Variants in DDAH1 observed in about 807,000 individuals in gnomAD.
The protein encoded by DDAH1 is N(G),N(G)-dimethylarginine dimethylaminohydrolase 1.
In DDAH1, 19 loss-of-function variants were observed where a neutral mutation model predicts 28.8. The ratio of observed to expected loss-of-function variants is 0.66; its 90% confidence interval spans 0.46 to 0.97. The LOEUF is 0.97. DDAH1 is among the 50% of genes least tolerant of loss of function. The pLI is 0.00. For synonymous variants in DDAH1, 153 were observed against 154.4 expected (o/e 0.99, Z 0.07); for missense variants, 326 against 375.9 (o/e 0.87, Z 1.10).
chr1:85,323,368 G>C (rs561741508), intron 5 of DDAH1, among the ~76,000 whole-genome samples: 1 of 152,172 alleles, frequency 6.6e-6, no homozygotes, highest in African/African-American at 2.4e-5. Flanking sequence ...CTATGGACGA[G>C]CACTGTTATG....
At chr1:85,531,607 A>T (rs1261698814) in intron 1 of DDAH1, among the ~76,000 whole-genome samples, 1 of 148,232 alleles carries the variant, frequency 6.7e-6, no homozygotes, top group African/African-American at 2.5e-5. Flanking sequence ...GGAAGTGGGT[A>T]TTTTTTTCCC....
At position 85,558,629 on chromosome 1, in the gene DDAH1, T is replaced by C. The variant is rs543820905; in HGVS notation, c.-123+19355A>G. Among the ~76,000 whole-genome samples the C allele has an allele frequency of 2.6e-5, 4 of 152,304 alleles. No homozygotes were observed. In the South Asian group the frequency reaches 6.2e-4, roughly 24 times the overall value. Reference sequence around the variant, plus strand: ...TCATGTTCTGAGTAAAGCCTCTTTCTTTTCTATATACTCATTTATCAGGTG... The same window carrying C: ...TCATGTTCTGAGTAAAGCCTCTTTCCTTTCTATATACTCATTTATCAGGTG... On this transcript the variant is annotated intron_variant, in intron 1 of 6. Transcript: ENST00000426972.
intron 1 of DDAH1, among the ~76,000 whole-genome samples, chr1:85,505,262 C>T (rs904673835): frequency 1.6e-4 from 24 of 151,910 alleles, no homozygotes; most frequent in East Asian, 1.2e-3. Flanking sequence ...TTATGATAAC[C>T]GTATTATCTT....
At chr1:85,432,522 C>A (rs1653734631) in intron 1 of DDAH1, among the ~76,000 whole-genome samples, 1 of 152,114 alleles carries the variant, frequency 6.6e-6, no homozygotes, top group South Asian at 2.1e-4. Flanking sequence ...GAATGGTCAG[C>A]TTTTTTCAGT....
chr1:85,464,789 T>C lies in DDAH1; in HGVS notation c.257A>G (p.Glu86Gly). The change falls in exon 1 of 6, where the codon GAG becomes GGG. Residue 86 changes from glutamate (E) to glycine (G), a missense_variant. Physicochemically the swap from Glu to Gly is moderately conservative, Grantham distance 98. Coordinates refer to ENST00000284031, the MANE Select transcript of DDAH1 (RefSeq NM_012137.4). This position sits in a 1 kb window ranked among gnomAD's most constrained non-coding sequence, Gnocchi z 4.4. ...FVEDVAVVCE[E>G]TALITRPGAP... is the part of the protein sequence containing the mutation. Reference sequence around the variant, plus strand: ...CCCGGGTCGGGTGATGAGGGCCGTCTCCTCGCACACCACGGCCACGTCCTC... The same window carrying C: ...CCCGGGTCGGGTGATGAGGGCCGTCCCCTCGCACACCACGGCCACGTCCTC... The C allele has an allele frequency of 6.3e-7, 1 of 1,580,566 alleles. No individual in the cohort carries two copies. Among genetic ancestry groups the C allele is most frequent in the Non-Finnish European group, 8.5e-7 (1 of 1,170,556 alleles).
chr1:85,482,133 A>C (rs1203357777), intron 2 of DDAH1: 1 of 152,228 alleles, frequency 6.6e-6, no homozygotes, highest in Non-Finnish European at 1.5e-5. Flanking sequence ...TTACCTATAA[A>C]TTGACCTAAT....
At chr1:85,509,125 A>G (rs1657133455) in intron 1 of DDAH1, among the ~76,000 whole-genome samples, 1 of 152,200 alleles carries the variant, frequency 6.6e-6, no homozygotes, top group South Asian at 2.1e-4. Flanking sequence ...CTTTCAGAGG[A>G]AGGATCAGGC....
At chr1:85,526,764 G>A (rs537770008) in intron 1 of DDAH1, among the ~76,000 whole-genome samples, 1 of 147,750 alleles carries the variant, frequency 6.8e-6, no homozygotes, top group African/African-American at 2.5e-5. Flanking sequence ...TGTGGTTTTT[G>A]TCTTGTCTTT....
chr1:85,517,956 A>G (rs1275315000), intron 1 of DDAH1, among the ~76,000 whole-genome samples: 4 of 152,186 alleles, frequency 2.6e-5, no homozygotes, highest in Non-Finnish European at 4.4e-5. Flanking sequence ...CCTGTTGGAC[A>G]GCCTATCGTT....
upstream of DDAH1, chr1:85,467,336 TCTAA>T (rs1655424649): frequency 6.6e-6 from 1 of 152,156 alleles, no homozygotes; most frequent in African/African-American, 2.4e-5. Flanking sequence ...GTGCCCTGAG[TCTAA>T]CTATGAACAG....
chr1:85,421,144 T>C (rs966232513), intron 1 of DDAH1, among the ~76,000 whole-genome samples: 2 of 152,014 alleles, frequency 1.3e-5, no homozygotes, highest in African/African-American at 4.8e-5. Flanking sequence ...CATGGGAAAA[T>C]TGACCCCATG....
chr1:85,353,592 A>C (rs1182767336), intron 2 of DDAH1, among the ~76,000 whole-genome samples: 3 of 152,110 alleles, frequency 2.0e-5, no homozygotes, highest in Admixed American at 2.0e-4. Flanking sequence ...AATTTAACTC[A>C]AGGAGAGGTA....
At chr1:85,527,488 G>T (rs1188424289) in intron 1 of DDAH1, among the ~76,000 whole-genome samples, 3 of 152,300 alleles carry the variant, frequency 2.0e-5, no homozygotes, top group Middle Eastern at 3.4e-3. Flanking sequence ...GTACTATAAT[G>T]TTAGGCAAGA....
In DDAH1 at chr1:85,448,618, G is replaced by T. The variant is rs564671666; in HGVS notation, c.303+16125C>A. Reference sequence around the variant, plus strand: ...GAGCTCTAATTCCCCTATGGTTCAGGACACTCCAGTGACTCAAATGACCTT... The same window carrying T: ...GAGCTCTAATTCCCCTATGGTTCAGTACACTCCAGTGACTCAAATGACCTT... On this transcript the variant is annotated intron_variant, in intron 1 of 5. Transcript: ENST00000284031. 4.6e-4 allele frequency among the ~76,000 whole-genome samples: 70 copies of T among 152,212 alleles called. No homozygotes were observed. In the South Asian group the frequency reaches 0.015, roughly 32 times the overall value.
At chr1:85,456,036 A>G (rs568108946) in intron 1 of DDAH1, among the ~76,000 whole-genome samples, 1 of 151,760 alleles carries the variant, frequency 6.6e-6, no homozygotes, top group African/African-American at 2.4e-5. Context: ...ACTTTCTCCC[A>G]TCTTCTTATC....
At chr1:85,400,724 T>A (rs1652060788) in intron 1 of DDAH1, among the ~76,000 whole-genome samples, 1 of 152,178 alleles carries the variant, frequency 6.6e-6, no homozygotes, top group East Asian at 1.9e-4. Context: ...CTTTAGGCCC[T>A]CATAGACTAA....
chr1:85,374,113 G>A (rs1288961449), intron 1 of DDAH1, among the ~76,000 whole-genome samples: 1 of 152,096 alleles, frequency 6.6e-6, no homozygotes, highest in African/African-American at 2.4e-5. Flanking sequence ...CGTGACTCTA[G>A]ATAGGGGAGA....
At chr1:85,330,632 T>C (rs757234518) in intron 4 of DDAH1, among the ~76,000 whole-genome samples, 55 of 152,202 alleles carry the variant, frequency 3.6e-4, no homozygotes, top group Non-Finnish European at 7.6e-4. Context: ...ATGATACAAA[T>C]GAGTTCTACA....
intron 5 of DDAH1, among the ~76,000 whole-genome samples, chr1:85,323,180 A>G (rs576654762): frequency 2.6e-5 from 4 of 152,340 alleles, no homozygotes; most frequent in African/African-American, 7.2e-5. Flanking sequence ...TAGTAATTAT[A>G]TCATATTGCA....
Sources: allele counts gnomAD v4.1 joint callset (sites outside exome capture counted in the v4.1 genomes callset), GRCh38; gene constraint gnomAD v4.1.1; non-coding constraint Gnocchi (gnomAD v3.1); transcripts MANE v1.5; gene names NCBI Gene and HGNC (gene_info 2026-07-23, HGNC 2026-07-21).